Variants in BAZ2B observed in about 807,000 individuals in gnomAD.
BAZ2B encodes the protein bromodomain adjacent to zinc finger domain protein 2B.
A neutral mutation model predicts 246.0 loss-of-function variants in BAZ2B; 91 were observed. The ratio of observed to expected loss-of-function variants is 0.37; its 90% CI spans 0.31 to 0.44. The LOEUF (loss-of-function observed/expected upper bound fraction) is 0.44. Among genes scored for constraint, BAZ2B ranks in the 20% least tolerant of loss-of-function variants. BAZ2B has a pLI of 1.00. For missense variants in BAZ2B, 2,332 were observed against 2,533.7 expected, an observed-to-expected ratio of 0.92 and a Z score of 1.71; for synonymous variants, 855 against 860.0, an observed-to-expected ratio of 0.99 and a Z score of 0.10.
chr2:159,673,600 C>T, the BAZ2B span, among the ~76,000 whole-genome samples: 1 of 151,662 alleles, frequency 6.6e-6, no homozygotes, highest in Admixed American at 6.6e-5. Context: ...ACAGGAAAAA[C>T]ACATAAATGC....
chr2:159,503,418 T>C (rs1398117548), intron 2 of BAZ2B, among the ~76,000 whole-genome samples: 4 of 152,192 alleles, frequency 2.6e-5, no homozygotes, highest in African/African-American at 9.6e-5. Context: ...CTCCTACATA[T>C]ACTCTAGGTC....
At chr2:159,669,469 CTA>C in the BAZ2B span, among the ~76,000 whole-genome samples, 3 of 151,990 alleles carry the variant, frequency 2.0e-5, no homozygotes, top group East Asian at 1.9e-4. Flanking sequence ...TTCAAATCTT[CTA>C]TGTCTTTATA....
chr2:159,707,938 C>T, the BAZ2B span, among the ~76,000 whole-genome samples: 1 of 152,130 alleles, frequency 6.6e-6, no homozygotes, highest in African/African-American at 2.4e-5. Flanking sequence ...TTGCAGTGAG[C>T]CGAGACTGAG....
At chr2:159,547,828 CTG>C (rs1030070360) in intron 2 of BAZ2B, among the ~76,000 whole-genome samples, 10 of 152,102 alleles carry the variant, frequency 6.6e-5, no homozygotes, top group African/African-American at 2.4e-4. Context: ...TTAGAATTTT[CTG>C]ATAAATCAGA....
chr2:159,384,018 AATCAAAGCAGG>A, intron 23 of BAZ2B, among the ~76,000 whole-genome samples: 1 of 152,160 alleles, frequency 6.6e-6, no homozygotes, highest in South Asian at 2.1e-4. Context: ...TAATTTCCAA[AATCAAAGCAGG>A]ATACCAGAAC....
At chr2:159,583,828 G>A (rs1337772833) in intron 1 of BAZ2B, among the ~76,000 whole-genome samples, 2 of 152,188 alleles carry the variant, frequency 1.3e-5, no homozygotes, top group South Asian at 4.1e-4. Context: ...GAGTCATGTG[G>A]AAGTGTACAT....
intron 1 of BAZ2B, among the ~76,000 whole-genome samples, chr2:159,613,317 T>G (rs1028031420): frequency 6.6e-6 from 1 of 152,064 alleles, no homozygotes; most frequent in Admixed American, 6.5e-5. Flanking sequence ...CGGCACTAGT[T>G]TAACATGTGA....
chr2:159,602,609 A>G (rs374144140), intron 1 of BAZ2B, among the ~76,000 whole-genome samples: 1 of 152,208 alleles, frequency 6.6e-6, no homozygotes, highest in South Asian at 2.1e-4. Context: ...GTTCAATAGC[A>G]TTAAGTTGTA....
In BAZ2B at chr2:159,431,089, T is replaced by A. The variant is rs768791296; in HGVS notation, c.1968A>T (p.Gln656His). Residue 656 changes from glutamine to histidine, a missense_variant, in exon 10 of 37, where the codon CAA becomes CAT. Transcript: ENST00000392783. ...SEEEDDDDKD[Q>H]DESDSDTEGE... ...CTTCAGTATCACTATCTGATTCATC[T>A]TGGTCTTTATCATCATCATCTTCTT... 6.2e-7 allele frequency: 1 copy of A among 1,613,898 alleles called. No individual in the cohort carries two copies. Among genetic ancestry groups the A allele is most frequent in the Non-Finnish European group, 8.5e-7 (1 of 1,179,788 alleles).
intron 1 of BAZ2B, among the ~76,000 whole-genome samples, chr2:159,602,584 A>G (rs997400061): frequency 3.9e-5 from 6 of 152,194 alleles, no homozygotes; most frequent in African/African-American, 1.2e-4. Flanking sequence ...TTGTACAACT[A>G]CATTTCTCAA....
chr2:159,333,161 T>A (rs2065063795), intron 33 of BAZ2B, among the ~76,000 whole-genome samples: 1 of 152,178 alleles, frequency 6.6e-6, no homozygotes, highest in Admixed American at 6.6e-5. Context: ...CATAATTACG[T>A]ATAATAAAAA....
chr2:159,489,137 AAT>A (rs1302735467), intron 2 of BAZ2B, among the ~76,000 whole-genome samples: 2 of 152,208 alleles, frequency 1.3e-5, no homozygotes, highest in Admixed American at 6.5e-5. Context: ...CTTGATGTCC[AAT>A]ATGTTACACC....
At chr2:159,351,469 TA>T (rs1363955597) in intron 27 of BAZ2B, among the ~76,000 whole-genome samples, 1 of 152,062 alleles carries the variant, frequency 6.6e-6, no homozygotes, top group Non-Finnish European at 1.5e-5. Context: ...TTTACTTCCT[TA>T]AAATAAATTC....
intron 2 of BAZ2B, among the ~76,000 whole-genome samples, chr2:159,490,759 T>C (rs2080367106): frequency 6.6e-6 from 1 of 152,078 alleles, no homozygotes; most frequent in Admixed American, 6.6e-5. Context: ...CTTGAAGGTT[T>C]TAAAGGGGAT....
the BAZ2B span, among the ~76,000 whole-genome samples, chr2:159,708,734 AG>A: frequency 6.6e-6 from 1 of 151,910 alleles, no homozygotes; most frequent in Non-Finnish European, 1.5e-5. Context: ...ACCAATGCAC[AG>A]GGCTAATTTT....
intron 1 of BAZ2B, among the ~76,000 whole-genome samples, chr2:159,562,461 C>G (rs1477950185): frequency 1.3e-5 from 2 of 152,206 alleles, no homozygotes; most frequent in African/African-American, 2.4e-5. Context: ...TTCGCAACAT[C>G]TTTACTCATT....
In BAZ2B at chr2:159,382,712, G is replaced by T. The variant is rs1221505924; in HGVS notation, c.3852C>A (p.Pro1284=). Residue 1284 remains proline, a synonymous_variant, in exon 25 of 37, where the codon CCC becomes CCA. Coordinates refer to ENST00000392783, the MANE Select transcript of BAZ2B (RefSeq NM_013450.4). ...LGEEQHPLGT[P]TPGRKRRRKG... is the part of the protein sequence containing the mutation. ...TCCTTCTTCGCTTGCGTCCTGGAGT[G>T]GGTGTGCCCAAGGGATGCTGCTCTT... is the stretch of plus-strand genomic sequence containing the variant. 1 of 1,613,484 alleles carries T rather than the reference G, an allele frequency of 6.2e-7. No individual in the cohort carries two copies. Among genetic ancestry groups the T allele is most frequent in the South Asian group, 1.1e-5 (1 of 91,058 alleles).
chr2:159,383,731 T>C (rs1479788366), intron 23 of BAZ2B, 51 bp from the exon 24 acceptor site: 6 of 1,460,616 alleles, frequency 4.1e-6, no homozygotes, highest in Non-Finnish European at 5.7e-6. Context: ...ATTTATGCAA[T>C]GCATTAATTT....
At chr2:159,545,375 C>A (rs1276583955) in intron 2 of BAZ2B, among the ~76,000 whole-genome samples, 3 of 152,110 alleles carry the variant, frequency 2.0e-5, no homozygotes, top group African/African-American at 7.2e-5. Context: ...CAGATCTCAG[C>A]TAAGAAAAAG....
Sources: gnomAD v4.1 joint callset for allele counts (sites outside exome capture counted in the v4.1 genomes callset) on GRCh38, gnomAD v4.1.1 for gene constraint, MANE v1.5 for transcripts, NCBI Gene and HGNC (gene_info 2026-07-23, HGNC 2026-07-21) for gene names.